Variants in IL1RAPL2 observed in about 807,000 individuals in gnomAD.
The protein encoded by IL1RAPL2 is X-linked interleukin-1 receptor accessory protein-like 2.
A neutral mutation model predicts 44.1 loss-of-function variants in IL1RAPL2; 3 were observed. The observed-to-expected ratio is 0.07, with a 90% confidence interval of 0.03 to 0.18. The LOEUF (loss-of-function observed/expected upper bound fraction) is 0.18, where lower values mean the gene tolerates loss of function less well. Among genes scored for constraint, IL1RAPL2 ranks in the 10% least tolerant of loss-of-function variants. The pLI is 1.00. For missense variants in IL1RAPL2, 391 were observed against 496.4 expected (o/e 0.79, Z 2.02); for synonymous variants, 181 against 178.8 (o/e 1.01, Z -0.10).
rs867995601 is a variant in IL1RAPL2, at chrX:104,632,888, G to A, written c.-19-26007G>A. On this transcript the variant is annotated intron_variant, in intron 1 of 10. Transcript: ENST00000372582. ...ACTTCCAACACTATGTTGAATAGGA[G>A]TGTTGAGAGAGGGCATCCCTGTCTT... is the stretch of plus-strand genomic sequence containing the variant. Among the ~76,000 whole-genome samples, 173 of 111,178 alleles carry A rather than the reference G, an allele frequency of 1.6e-3. 2 individuals carry two copies. Among genetic ancestry groups the A allele is most frequent in the African/African-American group, 5.3e-3 (163 of 30,640 alleles).
chrX:104,910,325 G>A (rs747915975), intron 2 of IL1RAPL2, among the ~76,000 whole-genome samples: 8 of 112,196 alleles, frequency 7.1e-5, no homozygotes, highest in Admixed American at 3.8e-4. Context: ...TGCGTTGCTC[G>A]TGCTGGGAAC....
At chrX:105,035,511 A>G (rs1278180551) in intron 2 of IL1RAPL2, among the ~76,000 whole-genome samples, 10 of 112,409 alleles carry the variant, frequency 8.9e-5, no homozygotes, top group African/African-American at 3.2e-4. Flanking sequence ...CAGAGTCTAC[A>G]GTTCACATTA....
intron 2 of IL1RAPL2, among the ~76,000 whole-genome samples, chrX:104,937,072 G>C (rs1158043021): frequency 1.8e-5 from 2 of 112,100 alleles, no homozygotes; most frequent in Non-Finnish European, 3.8e-5. Flanking sequence ...TTCTTCAATA[G>C]ATGTTGAACA....
At position 105,179,542 on chromosome X, in the gene IL1RAPL2, T is replaced by G. The variant is rs193256705; in HGVS notation, c.83-15933T>G. 3.9e-3 allele frequency among the ~76,000 whole-genome samples: 442 copies of G among 112,171 alleles called. 4 individuals are homozygous for G. The highest frequency in any genetic ancestry group is 0.013 in the African/African-American group (415 of 30,881). On this transcript the variant is annotated intron_variant, in intron 2 of 10. Transcript: ENST00000372582. The stretch of plus-strand genomic sequence containing the variant: ...TTCTGTAAAGAATGATGTCAGTATT[T>G]TGATAAGGATTATATTGAATCTGTA...
chrX:105,000,358 A>G (rs1255495696), intron 2 of IL1RAPL2, among the ~76,000 whole-genome samples: 2 of 111,434 alleles, frequency 1.8e-5, no homozygotes, highest in Admixed American at 9.6e-5. Flanking sequence ...GAGAATTGTT[A>G]TTGGGGATTT....
intron 6 of IL1RAPL2, among the ~76,000 whole-genome samples, chrX:105,497,822 A>G (rs1432127882): frequency 2.7e-5 from 3 of 112,318 alleles, no homozygotes; most frequent in African/African-American, 9.7e-5. Context: ...AAAGATAAAA[A>G]TCTTTAGAAC....
chrX:105,441,150 A>G (rs1175649511), intron 5 of IL1RAPL2, among the ~76,000 whole-genome samples: 1 of 112,205 alleles, frequency 8.9e-6, no homozygotes, highest in African/African-American at 3.2e-5. Flanking sequence ...AGTAATTACA[A>G]CAGATTAGAG....
intron 2 of IL1RAPL2, among the ~76,000 whole-genome samples, chrX:104,693,158 G>A (rs1383702759): frequency 8.9e-6 from 1 of 111,973 alleles, no homozygotes; most frequent in Non-Finnish European, 1.9e-5. Context: ...TGAAAATTGT[G>A]TATAAACATA....
At chrX:104,585,239 TA>T (rs796246782) in intron 1 of IL1RAPL2, among the ~76,000 whole-genome samples, 9 of 50,750 alleles carry the variant, frequency 1.8e-4, no homozygotes, top group Non-Finnish European at 2.8e-4. Context: ...TGTATATATA[TA>T]ATATATGATA....
intron 2 of IL1RAPL2, among the ~76,000 whole-genome samples, chrX:104,796,602 A>T (rs1033374078): frequency 8.9e-6 from 1 of 111,997 alleles, no homozygotes; most frequent in Admixed American, 9.4e-5. Context: ...AAAATGGTTG[A>T]TATCTGAACC....
chrX:104,915,014 C>T (rs1384637608), intron 2 of IL1RAPL2, among the ~76,000 whole-genome samples: 3 of 111,453 alleles, frequency 2.7e-5, no homozygotes, highest in Middle Eastern at 4.6e-3. Context: ...TGAATAGTGC[C>T]GCGATAAACA....
rs61046840 is a variant in IL1RAPL2 at position 104,738,651 on chromosome X, A to G, written c.82+79656A>G. ...AGGTATCTGGCTTTAACATCAAGAC[A>G]GTTCCAGGCCAGATGTGGTGGCTGA... On this transcript the variant is annotated intron_variant, in intron 2 of 10. Coordinates refer to ENST00000372582, the MANE Select transcript of IL1RAPL2 (RefSeq NM_017416.2). Among the ~76,000 whole-genome samples, 702 of 111,845 alleles carry G rather than the reference A, an allele frequency of 6.3e-3. 3 individuals are homozygous for G. The highest frequency in any genetic ancestry group is 0.022 in the African/African-American group (667 of 30,751).
intron 6 of IL1RAPL2, among the ~76,000 whole-genome samples, chrX:105,658,861 C>T (rs896300409): frequency 1.3e-4 from 14 of 106,708 alleles, no homozygotes; most frequent in Non-Finnish European, 2.3e-4. Context: ...ACTTGGGAGG[C>T]TGAGGCAGGA....
At chrX:105,701,470 T>G (rs915009768) in intron 6 of IL1RAPL2, among the ~76,000 whole-genome samples, 1 of 111,553 alleles carries the variant, frequency 9.0e-6, no homozygotes, top group Non-Finnish European at 1.9e-5. Flanking sequence ...ATTGAATTCC[T>G]GCAATTCCTC....
At chrX:105,021,440 G>C (rs1026802804) in intron 2 of IL1RAPL2, among the ~76,000 whole-genome samples, 1 of 110,700 alleles carries the variant, frequency 9.0e-6, no homozygotes, top group African/African-American at 3.3e-5. Context: ...ATGGGTGGCC[G>C]TGGGGCTTAT....
At chrX:105,207,747 C>A (rs2033776019) in intron 3 of IL1RAPL2, among the ~76,000 whole-genome samples, 1 of 111,887 alleles carries the variant, frequency 8.9e-6, no homozygotes, top group Non-Finnish European at 1.9e-5. Flanking sequence ...ACAATAAAAT[C>A]TCAGGAACTA....
intron 2 of IL1RAPL2, among the ~76,000 whole-genome samples, chrX:104,687,326 G>A (rs2147543640): frequency 8.9e-6 from 1 of 112,105 alleles, no homozygotes; most frequent in Non-Finnish European, 1.9e-5. Context: ...GAAGGTGAAT[G>A]GGAGTTGGCA....
At chrX:105,223,663 A>C (rs1249203403) in intron 3 of IL1RAPL2, among the ~76,000 whole-genome samples, 2 of 112,058 alleles carry the variant, frequency 1.8e-5, no homozygotes, top group Non-Finnish European at 3.8e-5. Flanking sequence ...TCAACAGTGC[A>C]GACAAAACAT....
chrX:104,627,485 T>TA (rs1230226388), intron 1 of IL1RAPL2, among the ~76,000 whole-genome samples: 1 of 62,860 alleles, frequency 1.6e-5, no homozygotes, highest in African/African-American at 1.1e-4. Context: ...AGTATAATAA[T>TA]AATAAAATAA....
Sources: gnomAD v4.1 joint callset for allele counts (sites outside exome capture counted in the v4.1 genomes callset) on GRCh38, gnomAD v4.1.1 for gene constraint, MANE v1.5 for transcripts, NCBI Gene and HGNC (gene_info 2026-07-23, HGNC 2026-07-21) for gene names.